The following PCP4 variants were observed in gnomAD, a reference collection of about 807,000 sequenced individuals.
PCP4 encodes the protein calmodulin regulator protein PCP4.
In PCP4, 8 loss-of-function variants were observed where a neutral mutation model predicts 10.0. The ratio of observed to expected loss-of-function variants is 0.80; its 90% CI spans 0.47 to 1.45. PCP4 has a LOEUF of 1.45. PCP4 is among the 40% of genes most tolerant of loss of function. The pLI is 0.00. For synonymous variants in PCP4, 21 were observed against 23.0 expected (o/e 0.91, Z 0.24); for missense variants, 54 against 74.4 (o/e 0.73, Z 1.01).
At chr21:39,882,990 A>G (rs1316040540) in intron 1 of PCP4, among the ~76,000 whole-genome samples, 1 of 152,174 alleles carries the variant, frequency 6.6e-6, no homozygotes, top group Non-Finnish European at 1.5e-5. Context: ...CCGAGAGCCC[A>G]CTGTTATTTT....
chr21:39,868,275 G>T (rs557856459), intron 1 of PCP4, among the ~76,000 whole-genome samples: 1 of 152,170 alleles, frequency 6.6e-6, no homozygotes, highest in Non-Finnish European at 1.5e-5. Flanking sequence ...CGAGCCAAAT[G>T]CATCTTCATT....
At chr21:39,883,177 T>C (rs967445254) in intron 1 of PCP4, among the ~76,000 whole-genome samples, 1 of 152,178 alleles carries the variant, frequency 6.6e-6, no homozygotes, top group Admixed American at 6.5e-5. Flanking sequence ...GACACCTACA[T>C]TGATGCATTG....
At position 39,926,221 on chromosome 21, in the gene PCP4, T is replaced by C. The variant is rs1193615236; in HGVS notation, c.62-2763T>C. On this transcript the variant is annotated intron_variant, in intron 2 of 2. Coordinates refer to ENST00000328619, the MANE Select transcript of PCP4 (RefSeq NM_006198.3). Reference sequence around the variant, plus strand: ...GTGGTTTCTTTTTTAAACAATGTAATATTTTTCAAATGAGGAATCAATCAG... The same window carrying C: ...GTGGTTTCTTTTTTAAACAATGTAACATTTTTCAAATGAGGAATCAATCAG... 1.9e-5 allele frequency: 6 copies of C among 313,060 alleles called. No homozygotes were observed. The Admixed American group carries it at 2.0e-4, about 11-fold the overall frequency. 19.4% of individuals were successfully genotyped at this position (313,060 alleles called of 1,614,324 possible). A position where few individuals can be genotyped will look rare whatever the true frequency, so the allele number is the denominator to read the frequency against.
intron 1 of PCP4, among the ~76,000 whole-genome samples, chr21:39,884,376 A>G (rs1005919181): frequency 1.3e-5 from 2 of 151,770 alleles, no homozygotes; most frequent in Non-Finnish European, 2.9e-5. Context: ...ACGGGGTTTC[A>G]CCATGTTGGT....
intron 2 of PCP4, among the ~76,000 whole-genome samples, chr21:39,905,788 T>C (rs1398425097): frequency 6.6e-6 from 1 of 152,232 alleles, no homozygotes. Context: ...GTGGATCATG[T>C]CTGTAATCCC....
intron 2 of PCP4, among the ~76,000 whole-genome samples, chr21:39,911,518 AGTGT>A (rs1218694294): frequency 6.6e-6 from 1 of 152,228 alleles, no homozygotes; most frequent in Non-Finnish European, 1.5e-5. Context: ...ATGAAATTAA[AGTGT>A]GACTGCGATC....
At chr21:39,928,758 G>C (rs907705327) in intron 2 of PCP4, among the ~76,000 whole-genome samples, 1 of 152,140 alleles carries the variant, frequency 6.6e-6, no homozygotes, top group Non-Finnish European at 1.5e-5. Flanking sequence ...GAAGTGTTGA[G>C]ACTGTGTCCT....
intron 2 of PCP4, among the ~76,000 whole-genome samples, chr21:39,915,152 G>A (rs1189904108): frequency 6.6e-6 from 1 of 150,790 alleles, no homozygotes; most frequent in Non-Finnish European, 1.5e-5. Flanking sequence ...CCCACAAGGA[G>A]AAAAAAATAA....
chr21:39,927,443 C>T (rs571446905), intron 2 of PCP4, among the ~76,000 whole-genome samples: 11 of 152,222 alleles, frequency 7.2e-5, no homozygotes, highest in African/African-American at 2.6e-4. Context: ...TACCTCAAGT[C>T]CTCAAGGAAC....
At position 39,885,563 on chromosome 21, in the gene PCP4, CTCCA is replaced by C. The variant is rs568881970; in HGVS notation, c.10-12911_10-12908del. Reference sequence around the variant, plus strand: ...CTTTCTAGCCCAGGGAGTGTCCTACCTCCATGTGGTTTGGGGTTCAGGAGAGAAT... The same window carrying C: ...CTTTCTAGCCCAGGGAGTGTCCTACCTGTGGTTTGGGGTTCAGGAGAGAAT... On this transcript the variant is annotated intron_variant, in intron 1 of 2. Coordinates refer to ENST00000328619, the MANE Select transcript of PCP4 (RefSeq NM_006198.3). Among the ~76,000 whole-genome samples the C allele has an allele frequency of 2.0e-5, 3 of 152,356 alleles. No homozygotes were observed. The South Asian group carries it at 6.2e-4, about 32-fold the overall frequency.
intron 2 of PCP4, among the ~76,000 whole-genome samples, chr21:39,904,552 C>A (rs1357305428): frequency 1.3e-5 from 2 of 152,184 alleles, no homozygotes; most frequent in Non-Finnish European, 2.9e-5. Context: ...GCTGATCTTG[C>A]TCCTGGGCAC....
chr21:39,891,339 A>G (rs1406018135), intron 1 of PCP4, among the ~76,000 whole-genome samples: 8 of 152,150 alleles, frequency 5.3e-5, no homozygotes, highest in African/African-American at 1.7e-4. Context: ...GCCCACATCA[A>G]TCACCTCCAC....
rs981516310 is a variant in PCP4 at position 39,929,323 on chromosome 21, C to G, written c.*212C>G. The G allele has an allele frequency of 2.6e-6, 1 of 382,874 alleles. No individual in the cohort carries two copies. The highest frequency in any genetic ancestry group is 3.9e-5 in the East Asian group (1 of 25,656). The allele number at this position is 382,874 out of a possible 1,614,324, so 23.7% of individuals were successfully genotyped here. The stretch of plus-strand genomic sequence containing the variant: ...TGTGAGTAGCTTAATCTCTATGTTT[C>G]TCTCCATTTTCATTCCTCCTGCAAC... On this transcript the variant is annotated 3_prime_UTR_variant, in exon 3 of 3. Transcript: ENST00000328619.
intron 2 of PCP4, among the ~76,000 whole-genome samples, chr21:39,912,081 C>G (rs1400317909): frequency 6.6e-6 from 1 of 152,174 alleles, no homozygotes; most frequent in Non-Finnish European, 1.5e-5. Context: ...TGTTTGCAAT[C>G]TCTAATAGAC....
At position 39,916,766 on chromosome 21, in the gene PCP4, T is replaced by TA. The variant is rs552668470; in HGVS notation, c.62-12212dup. Among the ~76,000 whole-genome samples the TA allele has an allele frequency of 5.2e-3, 789 of 152,330 alleles. 10 individuals carry two copies. The highest frequency in any genetic ancestry group is 9.2e-3 in the Non-Finnish European group (624 of 68,036). On this transcript the variant is annotated intron_variant, in intron 2 of 2. Coordinates refer to ENST00000328619, the MANE Select transcript of PCP4 (RefSeq NM_006198.3). ...AAGACCATGGAATACTATGCAGCTC[T>TA]AAAAAAGGAATGAGATCATGTCCTT...
chr21:39,879,841 G>T (rs552208679), intron 1 of PCP4, among the ~76,000 whole-genome samples: 20 of 152,266 alleles, frequency 1.3e-4, no homozygotes, highest in African/African-American at 3.1e-4. Context: ...GACATAATTT[G>T]TGGCCCCAAT....
At chr21:39,907,662 T>G (rs1053714751) in intron 2 of PCP4, among the ~76,000 whole-genome samples, 1 of 152,078 alleles carries the variant, frequency 6.6e-6, no homozygotes, top group African/African-American at 2.4e-5. Context: ...CTGGGCGTGG[T>G]GGCGGGCACC....
At chr21:39,913,369 G>T (rs1178266919) in intron 2 of PCP4, among the ~76,000 whole-genome samples, 2 of 152,186 alleles carry the variant, frequency 1.3e-5, no homozygotes, top group African/African-American at 2.4e-5. Context: ...CACAGGGCTG[G>T]CCGTCCCTAG....
intron 1 of PCP4, among the ~76,000 whole-genome samples, chr21:39,883,799 T>A (rs1196111732): frequency 6.6e-6 from 1 of 152,228 alleles, no homozygotes; most frequent in Non-Finnish European, 1.5e-5. Flanking sequence ...TCATTACTTT[T>A]ACTATATTGC....
Sources: gnomAD v4.1 joint callset for allele counts (sites outside exome capture counted in the v4.1 genomes callset) on GRCh38, gnomAD v4.1.1 for gene constraint, MANE v1.5 for transcripts, NCBI Gene and HGNC (gene_info 2026-07-23, HGNC 2026-07-21) for gene names.